The following CCDC60 variants were observed in gnomAD, a reference collection of about 807,000 sequenced individuals.
CCDC60 encodes coiled-coil domain-containing protein 60.
In CCDC60, 54 loss-of-function variants were observed where a neutral mutation model predicts 63.5. The ratio of observed to expected loss-of-function variants is 0.85; its 90% CI spans 0.68 to 1.07. The LOEUF is 1.07. CCDC60 is among the 50% of genes least tolerant of loss of function. The probability of loss-of-function intolerance (pLI) is 0.00; values close to 1 mark genes in which losing one functional copy is unlikely to be tolerated. For missense variants in CCDC60, 651 were observed against 684.3 expected, an observed-to-expected ratio of 0.95 and a Z score of 0.54; for synonymous variants, 206 against 238.8, an observed-to-expected ratio of 0.86 and a Z score of 1.27.
At chr12:119,378,628 G>A (rs1317999698) in intron 1 of CCDC60, among the ~76,000 whole-genome samples, 4 of 152,204 alleles carry the variant, frequency 2.6e-5, no homozygotes, top group South Asian at 2.1e-4. Flanking sequence ...GGATAGGATT[G>A]GAACCCAGGT....
intron 3 of CCDC60, among the ~76,000 whole-genome samples, chr12:119,474,337 A>G (rs1054442787): frequency 6.6e-6 from 1 of 152,222 alleles, no homozygotes; most frequent in South Asian, 2.1e-4. Context: ...GCCACGACAG[A>G]TACCCACTTT....
At chr12:119,429,034 T>A in intron 2 of CCDC60, 1 of 332,090 alleles carries the variant, frequency 3.0e-6, no homozygotes, top group South Asian at 7.0e-5. Flanking sequence ...CAAGAGAGTG[T>A]CCCCATGCTC....
chr12:119,437,574 A>G (rs903406246), intron 2 of CCDC60, among the ~76,000 whole-genome samples: 3 of 152,192 alleles, frequency 2.0e-5, no homozygotes, highest in Non-Finnish European at 2.9e-5. Flanking sequence ...CCCTTTATGA[A>G]TGAGGCTGCT....
chr12:119,505,160 G>A lies in CCDC60; in HGVS notation c.740G>A (p.Gly247Glu), dbSNP rs1951960901. ...CTCAGTCTGAGTCGGGCCAGTGGGG[G>A]GTCCTCTCCCCAGAGCAGCATGATC... ...STLSLSRASGGSSPQSSMISV... is the reference protein window; with the variant it reads ...STLSLSRASGESSPQSSMISV... The change falls in exon 7 of 14, where the codon GGG (glycine) becomes GAG (glutamate). Residue 247 changes from glycine to glutamate, a missense_variant. By Grantham distance (98) the Gly-to-Glu change is moderately conservative (BLOSUM62 -2). Transcript: ENST00000327554. 6.2e-7 allele frequency: 1 copy of A among 1,614,100 alleles called. No individual in the cohort carries two copies. Among genetic ancestry groups the A allele is most frequent in the Non-Finnish European group, 8.5e-7 (1 of 1,180,022 alleles).
intron 11 of CCDC60, among the ~76,000 whole-genome samples, chr12:119,525,063 T>G (rs1280183046): frequency 6.6e-6 from 1 of 152,186 alleles, no homozygotes; most frequent in Non-Finnish European, 1.5e-5. Context: ...TATGTATCAT[T>G]TAATGCTCAC....
chr12:119,360,785 G>A (rs1301824194), intron 1 of CCDC60, among the ~76,000 whole-genome samples: 2 of 152,140 alleles, frequency 1.3e-5, no homozygotes, highest in Non-Finnish European at 2.9e-5. Context: ...CAAGGCAGGC[G>A]GCTGGGAGGT....
intron 1 of CCDC60, among the ~76,000 whole-genome samples, chr12:119,415,587 T>C (rs12320164): frequency 0.14 from 21,363 of 152,120 alleles, 1,683 homozygotes; most frequent in African/African-American, 0.18. Context: ...AAAACAAGAA[T>C]GGAGGAGAGA....
In CCDC60 at chr12:119,456,044, A is replaced by C. The variant is rs182523007; in HGVS notation, c.171-15950A>C. Among the ~76,000 whole-genome samples the C allele has an allele frequency of 5.2e-5, 7 of 135,374 alleles. No individual in the cohort carries two copies. The highest frequency in any genetic ancestry group is 4.9e-4 in the East Asian group (2 of 4,056). 88.8% of individuals were successfully genotyped at this position (135,374 alleles called of 152,430 possible). ...GAAAGAAAGAAAGAAAGAAAGAAAGAAAGAAAGAAAGAAAGAAAGCAAGCA... is the reference window on the plus strand; with the variant it reads ...GAAAGAAAGAAAGAAAGAAAGAAAGCAAGAAAGAAAGAAAGAAAGCAAGCA... On this transcript the variant is annotated intron_variant, in intron 2 of 13. Transcript: ENST00000327554. The surrounding 1 kb of genome is among the most constrained non-coding windows in gnomAD (Gnocchi z 4.6).
chr12:119,489,235 C>T (rs1951526965), intron 5 of CCDC60, among the ~76,000 whole-genome samples: 1 of 152,204 alleles, frequency 6.6e-6, no homozygotes, highest in Non-Finnish European at 1.5e-5. Flanking sequence ...ACTGCGTCTC[C>T]CTACACTATT....
At chr12:119,378,935 ACAAT>A (rs1955981667) in intron 1 of CCDC60, among the ~76,000 whole-genome samples, 1 of 152,170 alleles carries the variant, frequency 6.6e-6, no homozygotes, top group Non-Finnish European at 1.5e-5. Flanking sequence ...GATGTTGATA[ACAAT>A]CAATGCTCAG....
chr12:119,444,750 G>C (rs1164783574), intron 2 of CCDC60, among the ~76,000 whole-genome samples: 2 of 152,168 alleles, frequency 1.3e-5, no homozygotes, highest in African/African-American at 2.4e-5. Context: ...TCAGAACCCA[G>C]AGCGTTTGAT....
chr12:119,376,076 C>G (rs1188819686), intron 1 of CCDC60, among the ~76,000 whole-genome samples: 1 of 152,190 alleles, frequency 6.6e-6, no homozygotes, highest in Non-Finnish European at 1.5e-5. Context: ...CCACGCCCAT[C>G]TGGATTTGTG....
chr12:119,416,069 G>A (rs1956693200), intron 1 of CCDC60, among the ~76,000 whole-genome samples: 3 of 152,090 alleles, frequency 2.0e-5, no homozygotes, highest in African/African-American at 7.2e-5. Flanking sequence ...TTCCTTATAG[G>A]GTTGGCATGA....
chr12:119,346,662 A>T (rs1428687256), intron 1 of CCDC60, among the ~76,000 whole-genome samples: 1 of 152,194 alleles, frequency 6.6e-6, no homozygotes, highest in African/African-American at 2.4e-5. Context: ...GGATATTTGC[A>T]TTTTCTTGAG....
intron 5 of CCDC60, among the ~76,000 whole-genome samples, chr12:119,490,654 T>C (rs545727881): frequency 2.4e-4 from 37 of 152,204 alleles, no homozygotes; most frequent in Non-Finnish European, 4.3e-4. Flanking sequence ...AGCCTCGAAC[T>C]CCTGGGCTCA....
intron 4 of CCDC60, among the ~76,000 whole-genome samples, chr12:119,485,768 A>C (rs1189803218): frequency 6.6e-6 from 1 of 152,180 alleles, no homozygotes; most frequent in Non-Finnish European, 1.5e-5. Flanking sequence ...TCGAATTTCA[A>C]CAAATGAATC....
chr12:119,400,435 A>G (rs1318522464), intron 1 of CCDC60, among the ~76,000 whole-genome samples: 2 of 152,220 alleles, frequency 1.3e-5, no homozygotes, highest in Non-Finnish European at 2.9e-5. Context: ...AAATATTTCA[A>G]TATCGCTAAA....
At chr12:119,484,473 T>C (rs1412532782) in intron 4 of CCDC60, among the ~76,000 whole-genome samples, 1 of 152,130 alleles carries the variant, frequency 6.6e-6, no homozygotes, top group Non-Finnish European at 1.5e-5. Context: ...CCCAGCACTT[T>C]GGGAAACTGA....
rs1477645315 is a variant in CCDC60 at position 119,530,931 on chromosome 12, A to G, written c.1419A>G (p.Lys473=). ...PEDLKNFRPA[K]KILVKLQKFG... is the part of the protein sequence containing the mutation. Reference sequence around the variant, plus strand: ...ATCTAAAGAACTTCCGCCCCGCCAAAAAGATCCTGGTGAAACTGCAGAAGT... The same window carrying G: ...ATCTAAAGAACTTCCGCCCCGCCAAGAAGATCCTGGTGAAACTGCAGAAGT... The change falls in exon 13 of 14, where the codon AAA becomes AAG. Residue 473 remains lysine, a synonymous_variant. Coordinates refer to ENST00000327554, the MANE Select transcript of CCDC60 (RefSeq NM_178499.5). 1 of 1,614,158 alleles carries G rather than the reference A, an allele frequency of 6.2e-7. No individual in the cohort carries two copies.
Sources: gnomAD v4.1 joint callset for allele counts (sites outside exome capture counted in the v4.1 genomes callset) on GRCh38, gnomAD v4.1.1 for gene constraint, Gnocchi (gnomAD v3.1) non-coding constraint, MANE v1.5 for transcripts, NCBI Gene and HGNC (gene_info 2026-07-23, HGNC 2026-07-21) for gene names.